The following ZNF346 variants were observed in gnomAD, a reference collection of about 807,000 sequenced individuals.
The protein encoded by ZNF346 is double-stranded RNA-binding zinc finger protein JAZ.
In ZNF346, 23 loss-of-function variants were observed where a neutral mutation model predicts 33.7. That is an observed-to-expected ratio of 0.68 (90% CI 0.49 to 0.97). ZNF346 has a LOEUF of 0.97. Among genes scored for constraint, ZNF346 ranks in the 50% least tolerant of loss-of-function variants. The pLI, the probability that ZNF346 is intolerant of heterozygous loss-of-function variation, is 0.00. For missense variants in ZNF346, 340 were observed against 371.1 expected, an observed-to-expected ratio of 0.92 and a Z score of 0.69; for synonymous variants, 134 against 142.4, an observed-to-expected ratio of 0.94 and a Z score of 0.42.
At position 177,066,675 on chromosome 5, in the gene ZNF346, G is replaced by A. The variant is rs1783196416; in HGVS notation, c.*2076G>A. 6.6e-6 allele frequency among the ~76,000 whole-genome samples: 1 copy of A among 151,730 alleles called. No individual in the cohort carries two copies. Among genetic ancestry groups the A allele is most frequent in the African/African-American group, 2.4e-5 (1 of 41,240 alleles). Reference sequence around the variant, plus strand: ...TCAAGCCCAGGAGTTCCAGCCTGAAGTATGCTGTGATCATGCCTGTGAATA... The same window carrying A: ...TCAAGCCCAGGAGTTCCAGCCTGAAATATGCTGTGATCATGCCTGTGAATA... On this transcript the variant is annotated 3_prime_UTR_variant, in exon 7 of 7. Transcript: ENST00000358149.
chr5:177,032,299 C>T (rs1336831558), intron 1 of ZNF346, among the ~76,000 whole-genome samples: 2 of 151,998 alleles, frequency 1.3e-5, no homozygotes, highest in African/African-American at 4.8e-5. Context: ...CCACTGCACC[C>T]AGCCTTTTTT....
chr5:177,035,874 C>T (rs1380475070), intron 1 of ZNF346, among the ~76,000 whole-genome samples: 4 of 151,782 alleles, frequency 2.6e-5, no homozygotes, highest in Middle Eastern at 3.4e-3. Flanking sequence ...CTCCTGGCCT[C>T]GTGATCCGCC....
intron 1 of ZNF346, among the ~76,000 whole-genome samples, chr5:177,028,598 T>C (rs1165866255): frequency 2.0e-5 from 3 of 146,596 alleles, no homozygotes; most frequent in Non-Finnish European, 4.5e-5. Context: ...AAGAGTATCT[T>C]CTGTTAAAAT....
chr5:177,079,216 G>A (rs4599548), intron 8 of ZNF346, among the ~76,000 whole-genome samples: 19,429 of 151,372 alleles, frequency 0.13, 2,928 homozygotes, highest in African/African-American at 0.37. Flanking sequence ...AGGTTGCAGC[G>A]AGCCAAGATC....
At position 177,022,702 on chromosome 5, in the gene ZNF346, C is replaced by T; in HGVS notation, c.-37C>T. 2 of 1,503,398 alleles carry T rather than the reference C, an allele frequency of 1.3e-6. No homozygotes were observed. Among genetic ancestry groups the T allele is most frequent in the Non-Finnish European group, 1.8e-6 (2 of 1,132,926 alleles). The allele number at this position is 1,503,398 out of a possible 1,614,324, so 93.1% of individuals were successfully genotyped here. ...ACCAAATCTCGCGATACCTAGGCGC[C>T]TGAGAGGCTCTCTACCGGTGAGGGT... On this transcript the variant is annotated 5_prime_UTR_variant, in exon 1 of 7. Coordinates refer to ENST00000358149, the MANE Select transcript of ZNF346 (RefSeq NM_012279.4).
At chr5:177,040,637 G>A (rs949057520) in intron 1 of ZNF346, among the ~76,000 whole-genome samples, 2 of 152,150 alleles carry the variant, frequency 1.3e-5, no homozygotes, top group African/African-American at 2.4e-5. Context: ...GAGCCACCAC[G>A]CCCCACCCTG....
intron 8 of ZNF346, among the ~76,000 whole-genome samples, chr5:177,076,382 A>C (rs1456598509): frequency 6.6e-6 from 1 of 152,200 alleles, no homozygotes; most frequent in East Asian, 1.9e-4. Flanking sequence ...CCATCTGTGC[A>C]CTTCCTTGTA....
In ZNF346 at chr5:177,022,752, C is replaced by A; in HGVS notation, c.14C>A (p.Ala5Glu). The A allele has an allele frequency of 6.4e-7, 1 of 1,554,830 alleles. No homozygotes were observed. The highest frequency in any genetic ancestry group is 2.5e-5 in the East Asian group (1 of 40,388). Reference protein sequence around the residue: MEYPAPATVQAADGG... With the variant: MEYPEPATVQAADGG... ...TTTGCGGGGAAGATGGAGTATCCCGCGCCGGCCACGGTGCAGGCCGCGGAC... is the reference window on the plus strand; with the variant it reads ...TTTGCGGGGAAGATGGAGTATCCCGAGCCGGCCACGGTGCAGGCCGCGGAC... The change falls in exon 1 of 7, where the codon GCG becomes GAG. Residue 5 changes from alanine to glutamate, a missense_variant. Ala to Glu is a moderately radical substitution (Grantham distance 107). Transcript: ENST00000358149.
At chr5:177,031,096 C>T (rs185024253) in intron 1 of ZNF346, among the ~76,000 whole-genome samples, 13 of 152,108 alleles carry the variant, frequency 8.5e-5, no homozygotes, top group Admixed American at 6.6e-4. Flanking sequence ...AGTGCAGTGG[C>T]GCGATCTCGG....
chr5:177,026,513 C>A (rs946463191), intron 1 of ZNF346, among the ~76,000 whole-genome samples: 4 of 151,778 alleles, frequency 2.6e-5, no homozygotes, highest in Non-Finnish European at 4.4e-5. Context: ...GAGGGTGCTA[C>A]CACACCCAGC....
rs114962806 is a variant in ZNF346 at position 177,037,890 on chromosome 5, C to T, written c.176-3236C>T. Among the ~76,000 whole-genome samples the T allele has an allele frequency of 9.1e-3, 1,383 of 152,218 alleles. 8 individuals are homozygous for T. The highest frequency in any genetic ancestry group is 0.025 in the South Asian group (121 of 4,826). ...ATTCATTCAACATCATCTACTAGGC[C>T]TCATGCTGTCTCTCCAACTTAATTT... On this transcript the variant is annotated intron_variant, in intron 1 of 6. Transcript: ENST00000358149.
intron 1 of ZNF346, among the ~76,000 whole-genome samples, chr5:177,024,279 T>A (rs1472062923): frequency 8.1e-6 from 1 of 123,164 alleles, no homozygotes; most frequent in Non-Finnish European, 1.6e-5. Flanking sequence ...CACTGCAACC[T>A]CCGCCTCCTG....
In ZNF346 at chr5:177,062,818, T is replaced by C. The variant is rs369678891; in HGVS notation, c.797+667T>C. 2.8e-4 allele frequency among the ~76,000 whole-genome samples: 43 copies of C among 152,314 alleles called. No homozygotes were observed. The South Asian group carries it at 8.1e-3, about 29-fold the overall frequency. On this transcript the variant is annotated intron_variant, in intron 6 of 6. Coordinates refer to ENST00000358149, the MANE Select transcript of ZNF346 (RefSeq NM_012279.4). ...TCCTTCCAACCCTGAGAGGAAGAGA[T>C]AATTATTCCCATTTTATACATATAG... is the stretch of plus-strand genomic sequence containing the variant.
At chr5:177,036,200 T>G (rs2149609599) in intron 1 of ZNF346, among the ~76,000 whole-genome samples, 1 of 152,234 alleles carries the variant, frequency 6.6e-6, no homozygotes, top group East Asian at 1.9e-4. Context: ...TCTCTTTTCA[T>G]GTGGTGTCAG....
rs1164494978 is a variant in ZNF346 at position 177,023,234 on chromosome 5, G to T, written c.175+321G>T. 5.2e-6 allele frequency: 8 copies of T among 1,534,884 alleles called. No individual in the cohort carries two copies. The Admixed American group carries it at 1.2e-4, about 23-fold the overall frequency. The stretch of plus-strand genomic sequence containing the variant: ...GGAGACCTACAGTCTTTGCCATCCC[G>T]GTAAGCCAAGCCGAGTGCCCCTCAC... On this transcript the variant is annotated intron_variant, in intron 1 of 6. Coordinates refer to ENST00000358149, the MANE Select transcript of ZNF346 (RefSeq NM_012279.4).
At position 177,065,868 on chromosome 5, in the gene ZNF346, GTGTGTGTGTGTGTTTGTGTGTA is replaced by G. The variant is rs1783113720; in HGVS notation, c.*1278_*1299del. On this transcript the variant is annotated 3_prime_UTR_variant, in exon 7 of 7. Transcript: ENST00000358149. ...GCATATTGTGTGTGGATGTGTGTGT[GTGTGTGTGTGTGTTTGTGTGTA>G]TGTGTGTGCTTCTGTGTGTGCCTAA... The G allele has an allele frequency of 6.6e-6, 1 of 150,452 alleles. No homozygotes were observed. The highest frequency in any genetic ancestry group is 2.5e-5 in the African/African-American group (1 of 40,466). 9.3% of individuals were successfully genotyped at this position (150,452 alleles called of 1,614,324 possible).
intron 1 of ZNF346, among the ~76,000 whole-genome samples, chr5:177,032,415 G>C (rs577749862): frequency 5.3e-5 from 8 of 151,056 alleles, no homozygotes; most frequent in African/African-American, 1.9e-4. Context: ...ACTGCACGCA[G>C]CTTTTTTTTT....
At chr5:177,046,801 A>T (rs1455042037) in intron 4 of ZNF346, among the ~76,000 whole-genome samples, 1 of 152,118 alleles carries the variant, frequency 6.6e-6, no homozygotes, top group African/African-American at 2.4e-5. Flanking sequence ...GTATATGTGC[A>T]TATAAACATA....
intron 1 of ZNF346, among the ~76,000 whole-genome samples, chr5:177,024,161 C>CAA (rs1219264252): frequency 7.0e-6 from 1 of 142,022 alleles, no homozygotes; most frequent in Non-Finnish European, 1.5e-5. Flanking sequence ...TATGTATACA[C>CAA]ACACACACAC....
Sources: gnomAD v4.1 joint callset for allele counts (sites outside exome capture counted in the v4.1 genomes callset) on GRCh38, gnomAD v4.1.1 for gene constraint, MANE v1.5 for transcripts, NCBI Gene and HGNC (gene_info 2026-07-23, HGNC 2026-07-21) for gene names.